The following RTN3 variants were observed in gnomAD, a reference collection of about 807,000 sequenced individuals.
The protein encoded by RTN3 is reticulon 3, also known as reticulon-3.
Under a neutral mutation model 77.8 loss-of-function variants are expected in RTN3, and 49 were observed. That is an observed-to-expected ratio of 0.63 (90% CI 0.50 to 0.80). RTN3 has a LOEUF of 0.80. Ranked by LOEUF, RTN3 falls within the 30% of genes least tolerant of loss-of-function variation. RTN3 has a pLI of 0.00. For synonymous variants in RTN3, 464 were observed against 446.9 expected (o/e 1.04, Z -0.48); for missense variants, 1,236 against 1,211.9 (o/e 1.02, Z -0.29).
chr11:63,744,879 C>T (rs761356009), intron 3 of RTN3, among the ~76,000 whole-genome samples: 6 of 152,156 alleles, frequency 3.9e-5, no homozygotes, highest in Non-Finnish European at 7.3e-5. Flanking sequence ...ATAGTCCTAG[C>T]TACTTGGGAT....
In RTN3 at chr11:63,750,090, G is replaced by C; in HGVS notation, c.2630G>C (p.Ser877Thr). The C allele has an allele frequency of 6.2e-7, 1 of 1,613,528 alleles. No individual in the cohort carries two copies. The highest frequency in any genetic ancestry group is 8.5e-7 in the Non-Finnish European group (1 of 1,179,634). Residue 877 changes from serine to threonine, a missense_variant, in exon 4 of 9, where the codon AGT (serine) becomes ACT (threonine). By Grantham distance (58) the Ser-to-Thr change is moderately conservative (BLOSUM62 1). Around this residue, in one of 3 missense-constraint regions of RTN3, gnomAD observed 39 missense variants for 66.6 expected, o/e 0.59. Coordinates refer to ENST00000377819, the MANE Select transcript of RTN3 (RefSeq NM_001265589.2). ...LLSLAAFSVISVVSYLILALL... is the reference protein window; with the variant it reads ...LLSLAAFSVITVVSYLILALL... ...TCCCTGGCAGCTTTCAGTGTCATCA[G>C]TGTGGTTTCTTACCTCATCCTGGCT...
intron 7 of RTN3, among the ~76,000 whole-genome samples, chr11:63,755,716 T>C (rs1486136681): frequency 6.7e-6 from 1 of 150,194 alleles, no homozygotes; most frequent in African/African-American, 2.5e-5. Context: ...TCCCAGCACT[T>C]TGGGAGGCCG....
Position 63,745,662 on chromosome 11 carries a change from G to A in RTN3, c.2531-4329G>A, listed in dbSNP as rs76238375. Among the ~76,000 whole-genome samples the A allele has an allele frequency of 4.7e-4, 71 of 152,290 alleles. No homozygotes were observed. In the East Asian group the frequency reaches 0.012, roughly 26 times the overall value. On this transcript the variant is annotated intron_variant, in intron 3 of 8. Transcript: ENST00000377819. ...CATTTATCTTAAGGCTGAGCCCAGGGCCTATATTATTATGCAGGTTGTTTA... is the reference window on the plus strand; with the variant it reads ...CATTTATCTTAAGGCTGAGCCCAGGACCTATATTATTATGCAGGTTGTTTA...
chr11:63,737,883 C>G (rs1413467723), intron 3 of RTN3, among the ~76,000 whole-genome samples: 1 of 152,206 alleles, frequency 6.6e-6, no homozygotes, highest in Non-Finnish European at 1.5e-5. Flanking sequence ...GTATGTGTGT[C>G]TGTCTTTGAC....
intron 2 of RTN3, among the ~76,000 whole-genome samples, chr11:63,709,896 A>T (rs938174434): frequency 6.6e-6 from 1 of 152,218 alleles, no homozygotes; most frequent in African/African-American, 2.4e-5. Flanking sequence ...CATGTTATAG[A>T]TATCCTTTTA....
chr11:63,748,512 G>T (rs954007983), intron 3 of RTN3, among the ~76,000 whole-genome samples: 1 of 150,278 alleles, frequency 6.7e-6, no homozygotes, highest in Admixed American at 6.7e-5. Context: ...CCATGCCCAG[G>T]TATTTTTTGT....
At position 63,719,285 on chromosome 11, in the gene RTN3, T is replaced by G; in HGVS notation, c.783T>G (p.Phe261Leu). The G allele has an allele frequency of 6.2e-7, 1 of 1,614,110 alleles. No homozygotes were observed. The highest frequency in any genetic ancestry group is 8.5e-7 in the Non-Finnish European group (1 of 1,180,016). ...IIDKAAFDKE[F>L]KDSYKESTDD... ...ACAAAGCAGCATTTGACAAAGAATTTAAAGACTCATATAAGGAGAGCACAG... is the reference window on the plus strand; with the variant it reads ...ACAAAGCAGCATTTGACAAAGAATTGAAAGACTCATATAAGGAGAGCACAG... The change falls in exon 3 of 9, where the codon TTT (phenylalanine) becomes TTG (leucine). Residue 261 changes from phenylalanine (F) to leucine (L), a missense_variant. This residue lies in a region of RTN3 where 1,056 missense variants were observed against 990.4 expected (regional missense o/e 1.07). Coordinates refer to ENST00000377819, the MANE Select transcript of RTN3 (RefSeq NM_001265589.2).
chr11:63,693,805 G>T (rs1427697237), intron 1 of RTN3, among the ~76,000 whole-genome samples: 2 of 152,062 alleles, frequency 1.3e-5, no homozygotes, highest in African/African-American at 4.8e-5. Context: ...ATAACCACTT[G>T]AATGCCACAT....
At chr11:63,736,840 A>G (rs1168268188) in intron 3 of RTN3, among the ~76,000 whole-genome samples, 2 of 152,184 alleles carry the variant, frequency 1.3e-5, no homozygotes, top group Non-Finnish European at 1.5e-5. Context: ...GACTGTTTAT[A>G]TAACTCAAAT....
intron 3 of RTN3, 118 bp downstream of exon 3, chr11:63,721,150 A>G (rs1003006732): frequency 1.5e-5 from 13 of 846,272 alleles, no homozygotes; most frequent in Non-Finnish European, 2.3e-5. Context: ...TACAAAAACA[A>G]TATGCTGTAT....
At chr11:63,752,713 A>G (rs1043615254) in intron 5 of RTN3, 68 bp downstream of exon 5, 1 of 1,509,044 alleles carries the variant, frequency 6.6e-7, no homozygotes, top group Non-Finnish European at 9.1e-7. Flanking sequence ...ATTTGGAGGA[A>G]AAACAGTACA....
chr11:63,688,458 A>G (rs1941487212), intron 1 of RTN3, among the ~76,000 whole-genome samples: 1 of 151,866 alleles, frequency 6.6e-6, no homozygotes, highest in Non-Finnish European at 1.5e-5. Context: ...TCCTGACCTC[A>G]TGATCCGCCA....
intron 1 of RTN3, among the ~76,000 whole-genome samples, chr11:63,699,531 T>C (rs1204915045): frequency 6.6e-6 from 1 of 152,198 alleles, no homozygotes; most frequent in African/African-American, 2.4e-5. Flanking sequence ...TGCTCTACCC[T>C]GCTGCCAGAG....
intron 3 of RTN3, among the ~76,000 whole-genome samples, chr11:63,726,291 GT>G (rs1195137672): frequency 2.0e-5 from 3 of 152,180 alleles, no homozygotes. Context: ...CATGAAATTA[GT>G]TTTTTATTTT....
intron 1 of RTN3, among the ~76,000 whole-genome samples, chr11:63,702,274 G>T (rs79367033): frequency 0.015 from 2,202 of 149,958 alleles, 29 homozygotes; most frequent in Non-Finnish European, 0.022. Flanking sequence ...TTAGTGTGTG[G>T]TTTTTTTGTG....
At chr11:63,727,260 A>G (rs2012350646) in intron 3 of RTN3, among the ~76,000 whole-genome samples, 1 of 152,258 alleles carries the variant, frequency 6.6e-6, no homozygotes, top group Admixed American at 6.5e-5. Context: ...ACAGCATAAT[A>G]TTCACAATGT....
At position 63,758,539 on chromosome 11, in the gene RTN3, TC is replaced by T; in HGVS notation, c.*339del. On this transcript the variant is annotated 3_prime_UTR_variant, in exon 9 of 9. Transcript: ENST00000377819. ...AAATGAAAGAACACCTCTGGGTCCT[TC>T]TGTCCAGTTTTCAGCACTAGTCTTA... The T allele has an allele frequency of 1.8e-6, 1 of 544,552 alleles. No homozygotes were observed. Among genetic ancestry groups the T allele is most frequent in the South Asian group, 3.2e-5 (1 of 31,486 alleles). The allele number at this position is 544,552 out of a possible 1,614,324, so 33.7% of individuals were successfully genotyped here. A position where few individuals can be genotyped will look rare whatever the true frequency, so the allele number is the denominator to read the frequency against.
intron 3 of RTN3, among the ~76,000 whole-genome samples, chr11:63,745,929 A>C (rs550810145): frequency 2.0e-5 from 3 of 152,056 alleles, no homozygotes; most frequent in Non-Finnish European, 4.4e-5. Flanking sequence ...TCCTGCCTCA[A>C]CCTTCCGAGT....
At chr11:63,736,191 C>G (rs977190897) in intron 3 of RTN3, among the ~76,000 whole-genome samples, 1 of 152,066 alleles carries the variant, frequency 6.6e-6, no homozygotes, top group Admixed American at 6.6e-5. Flanking sequence ...CTTTCTTTCT[C>G]CCTGGATGTC....
Sources: allele counts gnomAD v4.1 joint callset (sites outside exome capture counted in the v4.1 genomes callset), GRCh38; gene constraint gnomAD v4.1.1; regional missense constraint gnomAD v4.1.1; transcripts MANE v1.5; gene names NCBI Gene and HGNC (gene_info 2026-07-23, HGNC 2026-07-21).